IL1RL2: variants seen among roughly 807,000 people sequenced by gnomAD.
The protein encoded by IL1RL2 is interleukin 1 receptor like 2.
A neutral mutation model predicts 66.8 loss-of-function variants in IL1RL2; 68 were observed. That is an observed-to-expected ratio of 1.02 (90% CI 0.84 to 1.25). The LOEUF (loss-of-function observed/expected upper bound fraction) is 1.25, where lower values mean the gene tolerates loss of function less well. Ranked by LOEUF, IL1RL2 falls within the 50% of genes most tolerant of loss-of-function variation. IL1RL2 has a pLI of 0.00. For synonymous variants in IL1RL2, 305 were observed against 264.6 expected, an observed-to-expected ratio of 1.15 and a Z score of -1.48; for missense variants, 729 against 709.3, an observed-to-expected ratio of 1.03 and a Z score of -0.32.
Position 102,203,589 on chromosome 2 carries a change from A to T in IL1RL2, c.649+1874A>T, listed in dbSNP as rs1170171656. Among the ~76,000 whole-genome samples the T allele has an allele frequency of 5.9e-5, 9 of 151,874 alleles. No homozygotes were observed. In the East Asian group the frequency reaches 7.7e-4, roughly 13 times the overall value. ...ACTTTATTAAAATTTCTATATTGTT[A>T]CTTGTTATTGGTCTGTTTAGGTTTT... On this transcript the variant is annotated intron_variant, in intron 5 of 11. Coordinates refer to ENST00000264257, the MANE Select transcript of IL1RL2 (RefSeq NM_003854.4).
At chr2:102,229,792 G>A (rs1438780247) in intron 9 of IL1RL2, among the ~76,000 whole-genome samples, 2 of 152,202 alleles carry the variant, frequency 1.3e-5, no homozygotes, top group Non-Finnish European at 2.9e-5. Flanking sequence ...GGGCACATTT[G>A]TACATTTTGA....
intron 4 of IL1RL2, among the ~76,000 whole-genome samples, chr2:102,192,338 C>T (rs1490009560): frequency 6.6e-6 from 1 of 152,126 alleles, no homozygotes; most frequent in Non-Finnish European, 1.5e-5. Flanking sequence ...TTATTTGGAT[C>T]CACCACCTTC....
chr2:102,211,256 T>C (rs1198226894), intron 5 of IL1RL2, among the ~76,000 whole-genome samples: 1 of 152,212 alleles, frequency 6.6e-6, no homozygotes, highest in Non-Finnish European at 1.5e-5. Context: ...ATAGGAGGAA[T>C]ACTGGAACTA....
intron 10 of IL1RL2, 66 bp from the exon 11 acceptor site, chr2:102,234,831 C>A: frequency 2.8e-6 from 4 of 1,407,168 alleles, no homozygotes; most frequent in Non-Finnish European, 3.9e-6. Context: ...CAAACATTCT[C>A]ACTAGCATTA....
At chr2:102,195,629 C>CTTTT (rs1379287788) in intron 4 of IL1RL2, among the ~76,000 whole-genome samples, 1 of 17,322 alleles carries the variant, frequency 5.8e-5, no homozygotes, top group African/African-American at 1.3e-4. Flanking sequence ...TTCTTTCTTT[C>CTTTT]TCTCTCTCTC....
At chr2:102,188,584 T>C (rs1686930585) in intron 2 of IL1RL2, among the ~76,000 whole-genome samples, 1 of 31,182 alleles carries the variant, frequency 3.2e-5, no homozygotes, top group Admixed American at 4.1e-4. Flanking sequence ...AGAGACTCCG[T>C]CTCAAAAAAA....
At chr2:102,241,906 A>T (rs1232755885), downstream of IL1RL2, among the ~76,000 whole-genome samples, 1 of 152,252 alleles carries the variant, frequency 6.6e-6, no homozygotes, top group Non-Finnish European at 1.5e-5. Context: ...GAGGTGACAT[A>T]CTGAAACATT....
chr2:102,211,916 T>TTA (rs1347236550), intron 5 of IL1RL2, among the ~76,000 whole-genome samples, 184 bp from the exon 6 acceptor site: 4 of 136,546 alleles, frequency 2.9e-5, no homozygotes, highest in Non-Finnish European at 1.7e-5. Context: ...AGCTTCTAGC[T>TTA]TATTTTTTTT....
chr2:102,212,697 G>A (rs188138040), intron 6 of IL1RL2, among the ~76,000 whole-genome samples: 78 of 152,252 alleles, frequency 5.1e-4, no homozygotes, highest in Admixed American at 9.8e-4. Context: ...GGCCAGGCAC[G>A]GTGGCTCACG....
rs765855054 is a variant in IL1RL2, at chr2:102,239,175, A to G, written c.1679-17A>G. The G allele has an allele frequency of 4.3e-6, 7 of 1,612,742 alleles. No individual in the cohort carries two copies. Among genetic ancestry groups the G allele is most frequent in the Admixed American group, 1.7e-5 (1 of 59,998 alleles). ...ACCACATCAGAAAAGGAGTAAATAG[A>G]TCTTTCCTGATTTCAGGCCCAGAAC... On this transcript the variant is annotated splice_polypyrimidine_tract_variant and intron_variant, in intron 11 of 11. Coordinates refer to ENST00000264257, the MANE Select transcript of IL1RL2 (RefSeq NM_003854.4).
intron 4 of IL1RL2, among the ~76,000 whole-genome samples, chr2:102,199,488 A>C (rs926229487): frequency 3.9e-5 from 6 of 152,222 alleles, no homozygotes; most frequent in Non-Finnish European, 8.8e-5. Context: ...CGTTGCCTGG[A>C]ATACATAAGG....
chr2:102,193,581 G>C (rs749767096), intron 4 of IL1RL2, among the ~76,000 whole-genome samples: 8 of 152,098 alleles, frequency 5.3e-5, no homozygotes, highest in Non-Finnish European at 4.4e-5. Context: ...CGAACTCCTG[G>C]CCTCAAGTGG....
chr2:102,240,075 G>T (rs1675184543), downstream of IL1RL2: 1 of 152,172 alleles, frequency 6.6e-6, no homozygotes, highest in Non-Finnish European at 1.5e-5. Context: ...AATGAAAACT[G>T]ATTTCTGCTA....
rs529500968 is a variant in IL1RL2, at chr2:102,197,234, G to A, written c.490-4322G>A. Among the ~76,000 whole-genome samples, 36 of 152,300 alleles carry A rather than the reference G, an allele frequency of 2.4e-4. No homozygotes were observed. In the Middle Eastern group the frequency reaches 0.01, roughly 43 times the overall value. Reference sequence around the variant, plus strand: ...ATCTCCTATAGTGCTCTGCTCTCTGGTTGAAGGCTTGCAGGAGAGGGATGA... The same window carrying A: ...ATCTCCTATAGTGCTCTGCTCTCTGATTGAAGGCTTGCAGGAGAGGGATGA... On this transcript the variant is annotated intron_variant, in intron 4 of 11. Transcript: ENST00000264257.
intron 9 of IL1RL2, among the ~76,000 whole-genome samples, chr2:102,230,352 G>A (rs35312894): frequency 3.9e-5 from 6 of 152,150 alleles, no homozygotes; most frequent in Admixed American, 1.3e-4. Flanking sequence ...TTATTTGAGC[G>A]GTGGCCCTGA....
chr2:102,200,650 C>A (rs192214558), intron 4 of IL1RL2, among the ~76,000 whole-genome samples: 169 of 152,300 alleles, frequency 1.1e-3, no homozygotes, highest in Non-Finnish European at 2.0e-3. Context: ...CTGTGGACTG[C>A]AGCTTCTTGG....
intron 11 of IL1RL2, among the ~76,000 whole-genome samples, chr2:102,236,714 A>G (rs988841615): frequency 2.0e-5 from 3 of 152,288 alleles, no homozygotes; most frequent in Admixed American, 6.5e-5. Context: ...TTCTGTGCCC[A>G]TTAAGCTATG....
chr2:102,241,907 C>T (rs1272166146), downstream of IL1RL2, among the ~76,000 whole-genome samples: 1 of 152,182 alleles, frequency 6.6e-6, no homozygotes, highest in East Asian at 1.9e-4. Context: ...AGGTGACATA[C>T]TGAAACATTT....
At chr2:102,197,402 G>A (rs1687880068) in intron 4 of IL1RL2, among the ~76,000 whole-genome samples, 1 of 152,220 alleles carries the variant, frequency 6.6e-6, no homozygotes, top group Admixed American at 6.5e-5. Context: ...ACCTGAAAGA[G>A]CTTGGAAATT....
Sources: gnomAD v4.1 joint callset for allele counts (sites outside exome capture counted in the v4.1 genomes callset) on GRCh38, gnomAD v4.1.1 for gene constraint, MANE v1.5 for transcripts, NCBI Gene and HGNC (gene_info 2026-07-23, HGNC 2026-07-21) for gene names.